The following RGS17 variants were observed in gnomAD, a reference collection of about 807,000 sequenced individuals.
RGS17 encodes the protein regulator of G protein signaling 17, also known as regulator of G-protein signaling 17.
In RGS17, 12 loss-of-function variants were observed where a neutral mutation model predicts 25.5. The ratio of observed to expected loss-of-function variants is 0.47; its 90% CI spans 0.30 to 0.76. The LOEUF (loss-of-function observed/expected upper bound fraction) is 0.76, where lower values mean the gene tolerates loss of function less well. RGS17 is among the 30% of genes least tolerant of loss of function. The pLI, the probability that RGS17 is intolerant of heterozygous loss-of-function variation, is 0.07. For missense variants in RGS17, 196 were observed against 242.2 expected (o/e 0.81, Z 1.27); for synonymous variants, 71 against 76.9 (o/e 0.92, Z 0.40).
At chr6:153,060,084 T>A (rs1023317244) in intron 1 of RGS17, among the ~76,000 whole-genome samples, 3 of 152,104 alleles carry the variant, frequency 2.0e-5, no homozygotes, top group Non-Finnish European at 4.4e-5. Flanking sequence ...GTTGTGACCC[T>A]GAAGGTCTCA....
At chr6:153,104,876 G>C (rs1777356963) in intron 1 of RGS17, among the ~76,000 whole-genome samples, 1 of 151,910 alleles carries the variant, frequency 6.6e-6, no homozygotes, top group Admixed American at 6.6e-5. Flanking sequence ...GGTTACATCT[G>C]AGAAAGAAAA....
chr6:153,113,399 C>T (rs74770178), intron 1 of RGS17, among the ~76,000 whole-genome samples: 2 of 152,282 alleles, frequency 1.3e-5, no homozygotes, highest in Non-Finnish European at 1.5e-5. Flanking sequence ...AATACATATG[C>T]ACCCAATACA....
chr6:153,057,380 A>T (rs1776575148), intron 1 of RGS17, among the ~76,000 whole-genome samples: 1 of 152,138 alleles, frequency 6.6e-6, no homozygotes, highest in South Asian at 2.1e-4. Context: ...CCAAATTTTT[A>T]GGACTTAAAC....
chr6:153,070,870 T>C (rs1189693879), intron 1 of RGS17, among the ~76,000 whole-genome samples: 2 of 150,064 alleles, frequency 1.3e-5, no homozygotes, highest in African/African-American at 4.9e-5. Flanking sequence ...ATAACATGCA[T>C]ATGCCCATAT....
intron 4 of RGS17, 105 bp from the exon 5 acceptor site, chr6:153,011,867 T>A: frequency 1.3e-6 from 1 of 760,928 alleles, no homozygotes; most frequent in Non-Finnish European, 2.0e-6. Context: ...AAAGAGCAAA[T>A]CCAACTACCA....
intron 4 of RGS17, 79 bp downstream of exon 4, chr6:153,024,183 C>T (rs1019254290): frequency 2.1e-5 from 19 of 895,240 alleles, no homozygotes; most frequent in Non-Finnish European, 3.0e-5. Flanking sequence ...ACCCCATGCC[C>T]TACCCAATGT....
intron 1 of RGS17, among the ~76,000 whole-genome samples, chr6:153,069,989 C>A (rs1210761341): frequency 2.0e-5 from 3 of 151,958 alleles, no homozygotes; most frequent in Non-Finnish European, 4.4e-5. Context: ...TTAAAAAACA[C>A]ATCAACTTCC....
At chr6:153,021,095 T>G (rs911620580) in intron 4 of RGS17, among the ~76,000 whole-genome samples, 2 of 152,226 alleles carry the variant, frequency 1.3e-5, no homozygotes, top group African/African-American at 4.8e-5. Flanking sequence ...GCATTTGGTT[T>G]ATTAGTTTCT....
intron 1 of RGS17, among the ~76,000 whole-genome samples, chr6:153,101,791 ACT>A (rs112427467): frequency 0.038 from 5,649 of 150,200 alleles, 136 homozygotes; most frequent in Non-Finnish European, 0.057. Flanking sequence ...TTCCCCCTTC[ACT>A]CTCTCTCTCT....
chr6:153,103,620 G>C (rs1295326912), intron 1 of RGS17, among the ~76,000 whole-genome samples: 2 of 152,208 alleles, frequency 1.3e-5, no homozygotes, highest in Non-Finnish European at 2.9e-5. Context: ...CACAGGTAGA[G>C]AGACCCCGAA....
At chr6:153,111,165 C>T (rs1025511295) in intron 1 of RGS17, among the ~76,000 whole-genome samples, 5 of 152,188 alleles carry the variant, frequency 3.3e-5, no homozygotes, top group African/African-American at 7.2e-5. Flanking sequence ...CCCACCCCCA[C>T]GGAGCCCAGC....
chr6:153,053,974 T>TAC (rs1776503142), intron 1 of RGS17, among the ~76,000 whole-genome samples: 1 of 42,142 alleles, frequency 2.4e-5, no homozygotes, highest in African/African-American at 1.1e-4. Flanking sequence ...TATACATATA[T>TAC]ATGTATATAT....
At chr6:153,067,766 A>G (rs1354110902) in intron 1 of RGS17, among the ~76,000 whole-genome samples, 1 of 152,216 alleles carries the variant, frequency 6.6e-6, no homozygotes, top group East Asian at 1.9e-4. Flanking sequence ...TGCAATCTCT[A>G]TCAAAGTACC....
At chr6:153,099,526 G>C (rs1332317400) in intron 1 of RGS17, among the ~76,000 whole-genome samples, 1 of 152,120 alleles carries the variant, frequency 6.6e-6, no homozygotes, top group Non-Finnish European at 1.5e-5. Flanking sequence ...AAAAATTGCT[G>C]TATCTGTCCT....
At chr6:153,096,211 AT>A (rs1554243274) in intron 1 of RGS17, among the ~76,000 whole-genome samples, 10 of 1,782 alleles carry the variant, frequency 5.6e-3, no homozygotes, top group African/African-American at 0.035. Context: ...TGGAAGATAC[AT>A]CATCATCTGC....
At chr6:153,099,817 A>T (rs1362042841) in intron 1 of RGS17, among the ~76,000 whole-genome samples, 2 of 152,160 alleles carry the variant, frequency 1.3e-5, no homozygotes, top group Non-Finnish European at 2.9e-5. Flanking sequence ...GAGTGGGTGA[A>T]GATTAAATAA....
rs547167057 is a variant in RGS17 at position 153,017,492 on chromosome 6, T to C, written c.445-5730A>G. Among the ~76,000 whole-genome samples the C allele has an allele frequency of 2.6e-5, 4 of 152,224 alleles. No individual in the cohort carries two copies. In the South Asian group the frequency reaches 8.3e-4, roughly 32 times the overall value. On this transcript the variant is annotated intron_variant, in intron 4 of 4. Coordinates refer to ENST00000206262, the MANE Select transcript of RGS17 (RefSeq NM_012419.5). ...AGTCATATACCCTGGTTAATCTTAC[T>C]AGATTTCCTATTCATTGAAGGAGGA... is the stretch of plus-strand genomic sequence containing the variant.
chr6:153,042,417 G>A (rs551063875), intron 2 of RGS17, among the ~76,000 whole-genome samples: 6 of 152,196 alleles, frequency 3.9e-5, no homozygotes, highest in East Asian at 3.9e-4. Flanking sequence ...TAAATCTGAC[G>A]AGATCTGATG....
chr6:153,070,441 T>A (rs1776770585), intron 1 of RGS17, among the ~76,000 whole-genome samples: 1 of 152,064 alleles, frequency 6.6e-6, no homozygotes, highest in Admixed American at 6.6e-5. Flanking sequence ...AATAGTTATG[T>A]CTATGTATAC....
Sources: gnomAD v4.1 joint callset for allele counts (sites outside exome capture counted in the v4.1 genomes callset) on GRCh38, gnomAD v4.1.1 for gene constraint, MANE v1.5 for transcripts, NCBI Gene and HGNC (gene_info 2026-07-23, HGNC 2026-07-21) for gene names.